The following SORT1 variants were observed in gnomAD, a reference collection of about 807,000 sequenced individuals.
The protein encoded by SORT1 is sortilin 1.
SORT1 carries 39 observed loss-of-function variants against 101.7 expected under a neutral mutation model. That is an observed-to-expected ratio of 0.38 (90% confidence interval 0.30 to 0.50). SORT1 has a LOEUF of 0.50. SORT1 is among the 20% of genes least tolerant of loss of function. The probability of loss-of-function intolerance (pLI) is 0.90; values close to 1 mark genes in which losing one functional copy is unlikely to be tolerated. For synonymous variants in SORT1, 396 were observed against 393.7 expected, an observed-to-expected ratio of 1.01 and a Z score of -0.07; for missense variants, 878 against 1,040.4, an observed-to-expected ratio of 0.84 and a Z score of 2.15.
At chr1:109,316,047 C>T (rs1380602086) in intron 17 of SORT1, among the ~76,000 whole-genome samples, 1 of 151,818 alleles carries the variant, frequency 6.6e-6, no homozygotes, top group East Asian at 1.9e-4. Flanking sequence ...CAGGAGTAAG[C>T]CACCATGCCC....
At chr1:109,339,616 A>C (rs527810092) in intron 10 of SORT1, among the ~76,000 whole-genome samples, 4 of 152,352 alleles carry the variant, frequency 2.6e-5, no homozygotes, top group African/African-American at 9.6e-5. Flanking sequence ...TGAAGTAGAG[A>C]AATTGGAATC....
intron 15 of SORT1, among the ~76,000 whole-genome samples, chr1:109,318,813 C>A (rs957211476): frequency 6.6e-6 from 1 of 152,022 alleles, no homozygotes; most frequent in East Asian, 1.9e-4. Context: ...CCACCATGCT[C>A]GTCTAATTCT....
intron 16 of SORT1, 55 bp from the exon 17 acceptor site, chr1:109,317,013 T>C: frequency 8.9e-7 from 1 of 1,120,922 alleles, no homozygotes; most frequent in Non-Finnish European, 1.3e-6. Context: ...CCTGGGTACC[T>C]GCCTATTTCT....
chr1:109,348,180 G>A (rs933823256), intron 6 of SORT1, among the ~76,000 whole-genome samples: 1 of 152,160 alleles, frequency 6.6e-6, no homozygotes, highest in Non-Finnish European at 1.5e-5. Flanking sequence ...TGGACAACTA[G>A]GTCGGAGGTT....
At chr1:109,392,124 TAG>T (rs1652950298) in intron 1 of SORT1, among the ~76,000 whole-genome samples, 1 of 152,124 alleles carries the variant, frequency 6.6e-6, no homozygotes, top group Admixed American at 6.5e-5. Context: ...CCTCAAAACA[TAG>T]TTCACTTTCT....
chr1:109,374,672 C>T (rs1651705360), intron 1 of SORT1, among the ~76,000 whole-genome samples: 1 of 151,338 alleles, frequency 6.6e-6, no homozygotes, highest in South Asian at 2.1e-4. Context: ...ATGAAAAGTA[C>T]ACTGGATAGG....
intron 11 of SORT1, among the ~76,000 whole-genome samples, chr1:109,328,501 G>A (rs1225967924): frequency 1.3e-5 from 2 of 152,124 alleles, no homozygotes; most frequent in African/African-American, 4.8e-5. Flanking sequence ...CTTTTTATAT[G>A]CTTGTTAGTC....
intron 1 of SORT1, among the ~76,000 whole-genome samples, chr1:109,375,965 G>T (rs944962329): frequency 6.6e-6 from 1 of 152,142 alleles, no homozygotes; most frequent in East Asian, 1.9e-4. Flanking sequence ...ACAGATACTG[G>T]TGAGGCTGTG....
chr1:109,336,394 A>G, intron 10 of SORT1, 48 bp from the exon 11 acceptor site: 1 of 1,213,724 alleles, frequency 8.2e-7, no homozygotes, highest in Middle Eastern at 1.9e-4. Context: ...GGAAGTACCT[A>G]GGTTAGATTC....
At chr1:109,373,088 C>T (rs1388114724) in intron 1 of SORT1, among the ~76,000 whole-genome samples, 4 of 151,858 alleles carry the variant, frequency 2.6e-5, no homozygotes, top group Non-Finnish European at 5.9e-5. Context: ...AAACCCAAAA[C>T]GACAGAATAT....
intron 18 of SORT1, 41 bp downstream of exon 18, chr1:109,314,631 G>T: frequency 7.2e-7 from 1 of 1,388,840 alleles, no homozygotes; most frequent in African/African-American, 1.4e-5. Context: ...CAGCCTTCTG[G>T]CTTGAACTCA....
chr1:109,335,452 T>C (rs1553193330), intron 11 of SORT1, among the ~76,000 whole-genome samples: 1 of 152,036 alleles, frequency 6.6e-6, no homozygotes, highest in Non-Finnish European at 1.5e-5. Flanking sequence ...GAGAGTGTGT[T>C]GGGGTGGTGT....
intron 4 of SORT1, among the ~76,000 whole-genome samples, chr1:109,355,165 G>T (rs761568917): frequency 6.6e-6 from 1 of 152,154 alleles, no homozygotes; most frequent in Non-Finnish European, 1.5e-5. Context: ...AGGCTGCAGC[G>T]AGCCGTGACG....
Position 109,311,514 on chromosome 1 carries a change from G to A in SORT1, c.*2529C>T, listed in dbSNP as rs1028294235. On this transcript the variant is annotated 3_prime_UTR_variant, in exon 20 of 20. Coordinates refer to ENST00000256637, the MANE Select transcript of SORT1 (RefSeq NM_002959.7). ...ACTAGCCAATAATGAGAATGAGCCA[G>A]GCTGGCTGTCAGTCTTCAAACCAAC... is the stretch of plus-strand genomic sequence containing the variant. 1.3e-5 allele frequency: 2 copies of A among 152,234 alleles called. No homozygotes were observed. Among genetic ancestry groups the A allele is most frequent in the Admixed American group, 6.5e-5 (1 of 15,282 alleles). The allele number at this position is 152,234 out of a possible 1,614,324, so 9.4% of individuals were successfully genotyped here. A position where few individuals can be genotyped will look rare whatever the true frequency, so the allele number is the denominator to read the frequency against.
intron 1 of SORT1, among the ~76,000 whole-genome samples, chr1:109,380,744 AGGCGGGAG>A (rs1349241484): frequency 7.3e-6 from 1 of 137,626 alleles, no homozygotes; most frequent in East Asian, 2.4e-4. Context: ...TGGGAGGCCA[AGGCGGGAG>A]GATCACTTGA....
At chr1:109,373,851 A>G (rs979802633) in intron 1 of SORT1, among the ~76,000 whole-genome samples, 8 of 152,222 alleles carry the variant, frequency 5.3e-5, no homozygotes, top group African/African-American at 9.6e-5. Context: ...TGGGAGGCCG[A>G]GGTGGGAGGA....
intron 1 of SORT1, among the ~76,000 whole-genome samples, chr1:109,377,741 GT>G (rs1343118980): frequency 6.6e-6 from 1 of 152,218 alleles, no homozygotes; most frequent in Non-Finnish European, 1.5e-5. Context: ...TTTAAGCAGA[GT>G]TTACAGAGTT....
At chr1:109,351,968 GTGTGTGTGT>G (rs1649996496) in intron 5 of SORT1, among the ~76,000 whole-genome samples, 2 of 16,074 alleles carry the variant, frequency 1.2e-4, no homozygotes, top group Non-Finnish European at 2.7e-4. Context: ...AGGTAGGGGT[GTGTGTGTGT>G]GTGTGTGTGT....
Position 109,340,799 on chromosome 1 carries a change from T to C in SORT1, c.1189A>G (p.Thr397Ala). ...SKSLDRHLYT[T>A]TGGETDFTNV... Reference sequence around the variant, plus strand: ...GTAAAGTCCGTCTCTCCGCCTGTGGTAGTGTAGAGATGTCGGTCCAAAGAC... The same window carrying C: ...GTAAAGTCCGTCTCTCCGCCTGTGGCAGTGTAGAGATGTCGGTCCAAAGAC... The change falls in exon 10 of 20, where the codon ACC becomes GCC. Residue 397 changes from threonine (T) to alanine (A), a missense_variant. Physicochemically the swap from Thr to Ala is moderately conservative, Grantham distance 58. Coordinates refer to ENST00000256637, the MANE Select transcript of SORT1 (RefSeq NM_002959.7). 2 of 1,613,910 alleles carry C rather than the reference T, an allele frequency of 1.2e-6. No homozygotes were observed. Among genetic ancestry groups the C allele is most frequent in the Non-Finnish European group, 1.7e-6 (2 of 1,179,876 alleles).
Sources: allele counts gnomAD v4.1 joint callset (sites outside exome capture counted in the v4.1 genomes callset), GRCh38; gene constraint gnomAD v4.1.1; transcripts MANE v1.5; gene names NCBI Gene and HGNC (gene_info 2026-07-23, HGNC 2026-07-21).